The following ARHGAP15 variants were observed in gnomAD, a reference collection of about 807,000 sequenced individuals.
The protein encoded by ARHGAP15 is Rho GTPase activating protein 15.
ARHGAP15 carries 51 observed loss-of-function variants against 63.7 expected under a neutral mutation model. The ratio of observed to expected loss-of-function variants is 0.80; its 90% CI spans 0.64 to 1.01. The LOEUF (loss-of-function observed/expected upper bound fraction) is 1.01, where lower values mean the gene tolerates loss of function less well. ARHGAP15 is among the 50% of genes least tolerant of loss of function. ARHGAP15 has a pLI of 0.00. For missense variants in ARHGAP15, 560 were observed against 564.6 expected (o/e 0.99, Z 0.08); for synonymous variants, 191 against 193.8 (o/e 0.99, Z 0.12).
chr2:143,496,484 T>C (rs981897210), intron 9 of ARHGAP15, among the ~76,000 whole-genome samples: 7 of 152,214 alleles, frequency 4.6e-5, no homozygotes, highest in African/African-American at 7.2e-5. Context: ...TATTTTCTTA[T>C]GGGGACAGAT....
intron 11 of ARHGAP15, chr2:143,606,846 C>T (rs1292346028): frequency 1.3e-5 from 2 of 152,172 alleles, no homozygotes; most frequent in Admixed American, 1.3e-4. Flanking sequence ...ATTATTTACT[C>T]CACTTGCCTC....
chr2:143,451,903 C>G (rs1370634779), intron 8 of ARHGAP15, among the ~76,000 whole-genome samples: 1 of 151,902 alleles, frequency 6.6e-6, no homozygotes, highest in Non-Finnish European at 1.5e-5. Flanking sequence ...GAACTTTGCA[C>G]CATTAGGAAA....
At chr2:143,751,073 T>G (rs1429442834) in intron 13 of ARHGAP15, among the ~76,000 whole-genome samples, 1 of 152,146 alleles carries the variant, frequency 6.6e-6, no homozygotes, top group Non-Finnish European at 1.5e-5. Flanking sequence ...CAGGTTAGAT[T>G]TAACATGGCG....
chr2:143,151,843 G>A (rs531355803), intron 1 of ARHGAP15, among the ~76,000 whole-genome samples: 3 of 151,784 alleles, frequency 2.0e-5, no homozygotes, highest in Non-Finnish European at 4.4e-5. Context: ...TGGAATGAGA[G>A]GTTCCTAACG....
intron 2 of ARHGAP15, chr2:143,193,266 A>G (rs1252956943): frequency 6.5e-6 from 1 of 152,674 alleles, no homozygotes; most frequent in Non-Finnish European, 1.5e-5. Context: ...AATCCAGCCA[A>G]CTTGTGAGTG....
intron 10 of ARHGAP15, among the ~76,000 whole-genome samples, chr2:143,534,776 G>A (rs569800048): frequency 6.6e-6 from 1 of 151,934 alleles, no homozygotes; most frequent in Non-Finnish European, 1.5e-5. Context: ...CCAGCTACTT[G>A]AGAGCCTGAG....
At chr2:143,603,148 G>A (rs1217554988) in intron 11 of ARHGAP15, among the ~76,000 whole-genome samples, 1 of 152,196 alleles carries the variant, frequency 6.6e-6, no homozygotes, top group Non-Finnish European at 1.5e-5. Context: ...GATGTAAATA[G>A]AGTGAATCAA....
In ARHGAP15 at chr2:143,262,934, G is replaced by A. The variant is rs997675538; in HGVS notation, c.474+12334G>A. On this transcript the variant is annotated intron_variant, in intron 6 of 13. Coordinates refer to ENST00000295095, the MANE Select transcript of ARHGAP15 (RefSeq NM_018460.4). ...ATACATGCTGCAGATAGGTTACTAC[G>A]GGGGCTACTCTTACTCCTACCTTTT... 9.9e-5 allele frequency among the ~76,000 whole-genome samples: 15 copies of A among 152,054 alleles called. 2 individuals carry two copies. Among genetic ancestry groups the A allele is most frequent in the Admixed American group, 3.9e-4 (6 of 15,260 alleles).
At chr2:143,346,234 T>TCACACA (rs1558909751) in intron 6 of ARHGAP15, among the ~76,000 whole-genome samples, 2 of 79,062 alleles carry the variant, frequency 2.5e-5, no homozygotes, top group African/African-American at 5.4e-5. Context: ...ACACACTCTC[T>TCACACA]CTCACACACA....
chr2:143,251,564 T>C (rs1294047674), intron 6 of ARHGAP15, among the ~76,000 whole-genome samples: 12 of 152,086 alleles, frequency 7.9e-5, no homozygotes, highest in Non-Finnish European at 5.9e-5. Context: ...TATTCAGGTA[T>C]ATCCAAATAA....
At chr2:143,398,176 T>G (rs949748188) in intron 6 of ARHGAP15, among the ~76,000 whole-genome samples, 18 of 152,134 alleles carry the variant, frequency 1.2e-4, no homozygotes, top group African/African-American at 3.6e-4. Context: ...ACTCAAGAGG[T>G]GCTGGGGAAG....
At chr2:143,686,159 A>G (rs12469123) in intron 12 of ARHGAP15, among the ~76,000 whole-genome samples, 49,845 of 151,908 alleles carry the variant, frequency 0.33, 8,445 homozygotes, top group Non-Finnish European at 0.35. Flanking sequence ...CTGTAATCCC[A>G]GCATTTTGGG....
intron 6 of ARHGAP15, among the ~76,000 whole-genome samples, chr2:143,308,162 G>A (rs1470201864): frequency 6.6e-6 from 1 of 151,736 alleles, no homozygotes; most frequent in Non-Finnish European, 1.5e-5. Context: ...AAACAGAATG[G>A]GAATGAAATT....
chr2:143,400,169 TA>T (rs1558945775), intron 6 of ARHGAP15, among the ~76,000 whole-genome samples: 1 of 152,002 alleles, frequency 6.6e-6, no homozygotes, highest in East Asian at 1.9e-4. Flanking sequence ...TTCAGTGTTA[TA>T]TTTTTTTAAG....
intron 1 of ARHGAP15, among the ~76,000 whole-genome samples, chr2:143,143,686 A>G (rs1197109143): frequency 6.6e-6 from 1 of 151,868 alleles, no homozygotes. Context: ...CAGTAATAAG[A>G]GTACATGCTA....
intron 11 of ARHGAP15, among the ~76,000 whole-genome samples, chr2:143,563,675 C>A (rs1026290043): frequency 6.6e-6 from 1 of 152,076 alleles, no homozygotes; most frequent in Non-Finnish European, 1.5e-5. Context: ...CAAGAAAAAC[C>A]CCTAAGATAT....
rs577206162 is a variant in ARHGAP15 at position 143,470,499 on chromosome 2, A to G, written c.704-16874A>G. Reference sequence around the variant, plus strand: ...AGATTAAGAGTTTTCATTTTTCTAAAAAAGGAATTCATAATATTCTTTTGT... The same window carrying G: ...AGATTAAGAGTTTTCATTTTTCTAAGAAAGGAATTCATAATATTCTTTTGT... On this transcript the variant is annotated intron_variant, in intron 8 of 13. Transcript: ENST00000295095. 2.0e-5 allele frequency among the ~76,000 whole-genome samples: 3 copies of G among 150,494 alleles called. No individual in the cohort carries two copies. The East Asian group carries it at 5.8e-4, about 29-fold the overall frequency.
chr2:143,429,702 G>C (rs1395782036), intron 6 of ARHGAP15, among the ~76,000 whole-genome samples: 1 of 152,094 alleles, frequency 6.6e-6, no homozygotes, highest in Non-Finnish European at 1.5e-5. Context: ...ATCCATTGGT[G>C]GCCTGGCTTA....
At chr2:143,200,292 T>G (rs1176952488) in intron 2 of ARHGAP15, among the ~76,000 whole-genome samples, 1 of 152,096 alleles carries the variant, frequency 6.6e-6, no homozygotes, top group Non-Finnish European at 1.5e-5. Flanking sequence ...GGATTTTTAC[T>G]TTCTTCATAA....
Sources: gnomAD v4.1 joint callset for allele counts (sites outside exome capture counted in the v4.1 genomes callset) on GRCh38, gnomAD v4.1.1 for gene constraint, MANE v1.5 for transcripts, NCBI Gene and HGNC (gene_info 2026-07-23, HGNC 2026-07-21) for gene names.